Variants in ARL17B observed in about 807,000 individuals in gnomAD.
ARL17B encodes the protein ARF like GTPase 17B, also known as ADP-ribosylation factor-like protein 17.
At chr17:46,340,765 C>T (rs2052501138) in intron 3 of ARL17B, among the ~76,000 whole-genome samples, 1 of 77,200 alleles carries the variant, frequency 1.3e-5, no homozygotes, top group African/African-American at 3.9e-5. Flanking sequence ...TAGTCTTGAA[C>T]TCCTGACCTC....
chr17:46,285,574 A>G (rs1037659553), intron 4 of ARL17B, among the ~76,000 whole-genome samples: 1 of 152,196 alleles, frequency 6.6e-6, no homozygotes, highest in Non-Finnish European at 1.5e-5. Context: ...AATAATAACT[A>G]TAATCTAATC....
chr17:46,291,415 G>A (rs1372868788), intron 4 of ARL17B, among the ~76,000 whole-genome samples: 3 of 152,070 alleles, frequency 2.0e-5, no homozygotes, highest in Admixed American at 2.0e-4. Flanking sequence ...AGATGCAGAA[G>A]GAGGAAGTGG....
At chr17:46,289,044 T>C (rs2532250) in intron 4 of ARL17B, among the ~76,000 whole-genome samples, 21,648 of 151,696 alleles carry the variant, frequency 0.14, 1,893 homozygotes, top group Middle Eastern at 0.22. Context: ...ACTTTTTAAG[T>C]GCATCTCTTC....
At chr17:46,298,891 T>C (rs1598098722), downstream of ARL17B, among the ~76,000 whole-genome samples, 1 of 38,674 alleles carries the variant, frequency 2.6e-5, no homozygotes, top group Non-Finnish European at 9.8e-5. Flanking sequence ...AGCTAAAACT[T>C]TACTTGGGTC....
chr17:46,289,252 G>A lies in ARL17B; in HGVS notation c.*21+10274C>T, dbSNP rs145939333. ...GCCTGGACTGCAGTGACATAAACAC[G>A]GCTTGCTATAGCCTTGACCTGCCAG... On this transcript the variant is annotated intron_variant, in intron 4 of 4. Transcript: ENST00000570618. 1.9e-3 allele frequency among the ~76,000 whole-genome samples: 282 copies of A among 152,188 alleles called. 2 individuals are homozygous for A. Among genetic ancestry groups the A allele is most frequent in the African/African-American group, 3.6e-3 (149 of 41,508 alleles).
intron 4 of ARL17B, among the ~76,000 whole-genome samples, chr17:46,283,738 C>T (rs535887210): frequency 4.6e-5 from 7 of 152,214 alleles, no homozygotes; most frequent in South Asian, 2.1e-4. Flanking sequence ...AGGGTACCTG[C>T]GTTCAGCATA....
chr17:46,275,211 C>T (rs2049554471), exon 5 of ARL17B: 3 of 344,282 alleles, frequency 8.7e-6, no homozygotes, highest in Non-Finnish European at 1.5e-5. Flanking sequence ...TTTTCTTGTC[C>T]ATTGGACAAA....
At chr17:46,340,380 T>G (rs1411576999) in intron 3 of ARL17B, among the ~76,000 whole-genome samples, 1 of 52,314 alleles carries the variant, frequency 1.9e-5, no homozygotes, top group Non-Finnish European at 4.6e-5. Context: ...CATGCCCGGC[T>G]AATTTTTGTA....
intron 4 of ARL17B, among the ~76,000 whole-genome samples, chr17:46,286,895 C>T (rs1598078431): frequency 6.6e-6 from 1 of 152,316 alleles, no homozygotes; most frequent in Admixed American, 6.5e-5. Context: ...ATTTTCTTAG[C>T]CTCCTTTTCT....
intron 4 of ARL17B, among the ~76,000 whole-genome samples, chr17:46,290,270 A>G (rs1249207013): frequency 6.6e-6 from 1 of 152,138 alleles, no homozygotes; most frequent in Non-Finnish European, 1.5e-5. Flanking sequence ...AGCTGAGACT[A>G]CAGGTGTGCA....
chr17:46,286,286 T>G (rs1430820479), intron 4 of ARL17B, among the ~76,000 whole-genome samples: 1 of 152,222 alleles, frequency 6.6e-6, no homozygotes, highest in African/African-American at 2.4e-5. Context: ...GTAAAAAAAT[T>G]TATAAGAACA....
chr17:46,290,769 T>G (rs201576891), intron 4 of ARL17B, among the ~76,000 whole-genome samples: 3 of 152,232 alleles, frequency 2.0e-5, no homozygotes, highest in Non-Finnish European at 4.4e-5. Flanking sequence ...GTTTTATAGA[T>G]TCTAAAGCAG....
chr17:46,289,815 AT>A (rs1000760940), intron 4 of ARL17B, among the ~76,000 whole-genome samples: 19 of 152,142 alleles, frequency 1.2e-4, no homozygotes, highest in African/African-American at 4.3e-4. Flanking sequence ...AATTAATTTT[AT>A]TTTTCCTTCT....
intron 4 of ARL17B, among the ~76,000 whole-genome samples, chr17:46,283,915 T>G (rs2143388165): frequency 6.6e-6 from 1 of 152,356 alleles, no homozygotes; most frequent in East Asian, 1.9e-4. Flanking sequence ...AAGAATTAAG[T>G]GCTGTGCTTT....
At chr17:46,290,704 C>T (rs1319192309) in intron 4 of ARL17B, among the ~76,000 whole-genome samples, 1 of 152,236 alleles carries the variant, frequency 6.6e-6, no homozygotes, top group Non-Finnish European at 1.5e-5. Flanking sequence ...ACCTCAGCCT[C>T]CCAAAGTGCT....
At chr17:46,279,094 G>A (rs1598063661) in intron 4 of ARL17B, among the ~76,000 whole-genome samples, 1 of 152,234 alleles carries the variant, frequency 6.6e-6, no homozygotes, top group East Asian at 1.9e-4. Flanking sequence ...CACTGTTCCT[G>A]GCCCAATGTC....
intron 4 of ARL17B, among the ~76,000 whole-genome samples, chr17:46,277,884 G>A (rs764537548): frequency 9.9e-5 from 15 of 151,774 alleles, no homozygotes; most frequent in Non-Finnish European, 2.2e-4. Context: ...TGACCTAACC[G>A]CCCACCTCAG....
At chr17:46,286,684 A>T (rs1431260004) in intron 4 of ARL17B, among the ~76,000 whole-genome samples, 1 of 152,388 alleles carries the variant, frequency 6.6e-6, no homozygotes, top group African/African-American at 2.4e-5. Flanking sequence ...TTGTAATGTA[A>T]GTGTATAACA....
At chr17:46,286,346 A>G (rs1248604762) in intron 4 of ARL17B, among the ~76,000 whole-genome samples, 1 of 152,262 alleles carries the variant, frequency 6.6e-6, no homozygotes, top group East Asian at 1.9e-4. Context: ...CATTCAATTG[A>G]TTTTAAAGCT....
Sources: gnomAD v4.1 joint callset for allele counts (sites outside exome capture counted in the v4.1 genomes callset) on GRCh38, gnomAD v4.1.1 for gene constraint, MANE v1.5 for transcripts, NCBI Gene and HGNC (gene_info 2026-07-23, HGNC 2026-07-21) for gene names.